The following SRCIN1 variants were observed in gnomAD, a reference collection of about 807,000 sequenced individuals.
The protein encoded by SRCIN1 is P130Cas-associated protein.
A neutral mutation model predicts 116.2 loss-of-function variants in SRCIN1; 50 were observed. The ratio of observed to expected loss-of-function variants is 0.43; its 90% CI spans 0.34 to 0.54. The LOEUF is 0.54. SRCIN1 is among the 20% of genes least tolerant of loss of function. The pLI, the probability that SRCIN1 is intolerant of heterozygous loss-of-function variation, is 0.02. For missense variants in SRCIN1, 1,446 were observed against 1,672.0 expected (o/e 0.86, Z 2.36); for synonymous variants, 736 against 750.0 (o/e 0.98, Z 0.30).
intron 17 of SRCIN1, chr17:38,547,689 A>G: frequency 3.6e-6 from 1 of 280,208 alleles, no homozygotes; most frequent in Non-Finnish European, 7.0e-6. Context: ...TTAGCGTGGG[A>G]GGTGAGGAGA....
In SRCIN1 at chr17:38,564,239, G is replaced by A. The variant is rs1464144922; in HGVS notation, c.420C>T (p.Ser140=). The change falls in exon 4 of 19, where the codon TCC becomes TCT. Residue 140 remains serine (S), a synonymous_variant. Transcript: ENST00000617146. ...ADQAAKLSYA[S]AESLETMSEA... The stretch of plus-strand genomic sequence containing the variant: ...CCGACATGGTCTCCAGCGACTCGGC[G>A]GAGGCGTAGGACAGCTTTGCCGCCT... 1.3e-6 allele frequency: 2 copies of A among 1,577,816 alleles called. No homozygotes were observed. Among genetic ancestry groups the A allele is most frequent in the South Asian group, 1.2e-5 (1 of 86,024 alleles).
rs539399256 is a variant in SRCIN1, at chr17:38,558,834, A to G, written c.2026-432T>C. On this transcript the variant is annotated intron_variant, in intron 10 of 18. Transcript: ENST00000617146. The surrounding 1 kb of genome is among the most constrained non-coding windows in gnomAD (Gnocchi z 4.6). ...TAGCCCTATGTAGGTCCCTGCCGAC[A>G]GTGCGGCCGCATGGCTATGGCTTCC... Among the ~76,000 whole-genome samples the G allele has an allele frequency of 6.6e-6, 1 of 152,296 alleles. No homozygotes were observed. Among genetic ancestry groups the G allele is most frequent in the Admixed American group, 6.5e-5 (1 of 15,300 alleles).
At chr17:38,559,974 G>C (rs1212354785) in intron 9 of SRCIN1, 80 bp downstream of exon 9, 15 of 1,369,952 alleles carry the variant, frequency 1.1e-5, no homozygotes, top group Non-Finnish European at 1.5e-5. Context: ...CAGTGATGTA[G>C]CTATTGCTTA....
intron 7 of SRCIN1, 104 bp from the exon 8 acceptor site, chr17:38,560,529 C>A (rs2143173261): frequency 1.0e-6 from 1 of 957,676 alleles, no homozygotes; most frequent in Non-Finnish European, 1.6e-6. Flanking sequence ...ACCGTCCCAT[C>A]CCTGGCTGCC....
At chr17:38,574,923 G>A in intron 2 of SRCIN1, 1 of 401,190 alleles carries the variant, frequency 2.5e-6, no homozygotes, top group East Asian at 3.6e-5. Context: ...CCATGGAGGT[G>A]GGAGCAGAGG....
intron 2 of SRCIN1, 48 bp downstream of exon 2, chr17:38,578,442 C>T: frequency 6.7e-7 from 1 of 1,484,022 alleles, no homozygotes; most frequent in Admixed American, 2.0e-5. Flanking sequence ...TCCTCCCCTG[C>T]CCGCTGGCCG....
intron 1 of SRCIN1, among the ~76,000 whole-genome samples, chr17:38,588,947 C>T (rs540391175): frequency 3.7e-4 from 56 of 152,334 alleles, no homozygotes; most frequent in Non-Finnish European, 5.6e-4. Flanking sequence ...CCTAGTAGCA[C>T]TCAGACAGCT....
At chr17:38,600,561 G>A (rs993567095) in intron 1 of SRCIN1, among the ~76,000 whole-genome samples, 1 of 152,218 alleles carries the variant, frequency 6.6e-6, no homozygotes, top group Admixed American at 6.5e-5. Flanking sequence ...AAAGCAGGCA[G>A]GGGCACAAGG....
chr17:38,585,766 T>C lies in SRCIN1; in HGVS notation c.23-6975A>G, dbSNP rs926556587. Among the ~76,000 whole-genome samples the C allele has an allele frequency of 7.9e-5, 12 of 152,078 alleles. No individual in the cohort carries two copies. The highest frequency in any genetic ancestry group is 2.7e-4 in the African/African-American group (11 of 41,434). On this transcript the variant is annotated intron_variant, in intron 1 of 18. Transcript: ENST00000617146. This position sits in a 1 kb window ranked among gnomAD's most constrained non-coding sequence, Gnocchi z 4.2. ...CATTCCTGTGTAATATCCCCCCAAATTGCTAATACCCAGCGCCCTGTTGAG... is the reference window on the plus strand; with the variant it reads ...CATTCCTGTGTAATATCCCCCCAAACTGCTAATACCCAGCGCCCTGTTGAG...
At chr17:38,588,154 C>G (rs1350057234) in intron 1 of SRCIN1, among the ~76,000 whole-genome samples, 7 of 152,094 alleles carry the variant, frequency 4.6e-5, no homozygotes, top group Admixed American at 3.3e-4. Context: ...CCTGGGTGAG[C>G]AGAGTCAGTT....
At chr17:38,554,366 G>C (rs1299739187) in intron 11 of SRCIN1, among the ~76,000 whole-genome samples, 1 of 152,160 alleles carries the variant, frequency 6.6e-6, no homozygotes, top group Admixed American at 6.5e-5. Flanking sequence ...CTTCTGCTTA[G>C]AGCCCTTCAG....
In SRCIN1 at chr17:38,578,803, G is replaced by C; in HGVS notation, c.23-12C>G. 2.7e-6 allele frequency: 4 copies of C among 1,480,632 alleles called. No individual in the cohort carries two copies. The highest frequency in any genetic ancestry group is 3.6e-6 in the Non-Finnish European group (4 of 1,118,112). 91.7% of individuals were successfully genotyped at this position (1,480,632 alleles called of 1,614,324 possible). A position where few individuals can be genotyped will look rare whatever the true frequency, so the allele number is the denominator to read the frequency against. ...GCTCCGCTCCGGATCTGCGAGAGGT[G>C]AGAGGGGCACGGCTGGGTCACGGCG... On this transcript the variant is annotated splice_polypyrimidine_tract_variant and intron_variant, in intron 1 of 18. Transcript: ENST00000617146.
At position 38,539,629 on chromosome 17, in the gene SRCIN1, C is replaced by T. The variant is rs576665054; in HGVS notation, c.3417+4194G>A. 2.7e-4 allele frequency among the ~76,000 whole-genome samples: 41 copies of T among 152,300 alleles called. No homozygotes were observed. In the South Asian group the frequency reaches 2.7e-3, roughly 10 times the overall value. On this transcript the variant is annotated intron_variant, in intron 18 of 18. Coordinates refer to ENST00000617146, the MANE Select transcript of SRCIN1 (RefSeq NM_025248.3). ...TCCGGGACTCGCTAAACACCTGCCC[C>T]ACTGCCCTTCCCCCAGGGAGTCACA...
In SRCIN1 at chr17:38,532,999, A is replaced by G. The variant is rs961178921; in HGVS notation, c.*298T>C. 6 of 222,922 alleles carry G rather than the reference A, an allele frequency of 2.7e-5. No homozygotes were observed. The highest frequency in any genetic ancestry group is 5.8e-5 in the Admixed American group (1 of 17,242). The allele number at this position is 222,922 out of a possible 1,614,324, so 13.8% of individuals were successfully genotyped here. On this transcript the variant is annotated 3_prime_UTR_variant, in exon 19 of 19. Coordinates refer to ENST00000617146, the MANE Select transcript of SRCIN1 (RefSeq NM_025248.3). The surrounding 1 kb of genome is among the most constrained non-coding windows in gnomAD (Gnocchi z 4.3). ...GAAAGAGAAGAAGGAGAGATGTGAC[A>G]GGTGCGGCCAGCGAGAGGCCAGCTG...
intron 1 of SRCIN1, among the ~76,000 whole-genome samples, chr17:38,587,327 G>C (rs958820462): frequency 6.6e-6 from 1 of 152,198 alleles, no homozygotes; most frequent in Middle Eastern, 3.4e-3. Flanking sequence ...TCTGCTTGCA[G>C]CTGTCTCTCC....
At chr17:38,570,883 C>T (rs1474652744) in intron 2 of SRCIN1, among the ~76,000 whole-genome samples, 3 of 152,216 alleles carry the variant, frequency 2.0e-5, no homozygotes, top group Non-Finnish European at 4.4e-5. Flanking sequence ...GCGCTTGTGC[C>T]GGTCACTTGG....
At position 38,568,161 on chromosome 17, in the gene SRCIN1, GAGGGA is replaced by G; in HGVS notation, c.345+45_345+49del. On this transcript the variant is annotated intron_variant, in intron 3 of 18. Transcript: ENST00000617146. The surrounding 1 kb of genome is among the most constrained non-coding windows in gnomAD (Gnocchi z 4.5). ...GTGCAAGGGAGAGGCAGGGGCAGGG[GAGGGA>G]GAGCACATGCAGTTGTCATGGGAGC... The G allele has an allele frequency of 6.2e-7, 1 of 1,605,622 alleles. No individual in the cohort carries two copies. The highest frequency in any genetic ancestry group is 1.3e-5 in the African/African-American group (1 of 74,898).
chr17:38,569,560 G>A (rs900924015), intron 2 of SRCIN1, among the ~76,000 whole-genome samples: 6 of 152,250 alleles, frequency 3.9e-5, no homozygotes, highest in South Asian at 2.1e-4. Context: ...CCTTTGGGGT[G>A]GGGGTGACAC....
chr17:38,563,225 G>T lies in SRCIN1; in HGVS notation c.740+98C>A. 1 of 1,374,448 alleles carries T rather than the reference G, an allele frequency of 7.3e-7. No homozygotes were observed. The highest frequency in any genetic ancestry group is 1.3e-5 in the South Asian group (1 of 78,952). 85.1% of individuals were successfully genotyped at this position (1,374,448 alleles called of 1,614,324 possible). A position where few individuals can be genotyped will look rare whatever the true frequency, so the allele number is the denominator to read the frequency against. On this transcript the variant is annotated intron_variant, in intron 5 of 18. Transcript: ENST00000617146. The surrounding 1 kb of genome is among the most constrained non-coding windows in gnomAD (Gnocchi z 5.8). ...GGAGGGGAGGGGAAAGGCTGAGGTC[G>T]GGTCAGGAAGGAGCTGGGGAAGGGC...
Sources: allele counts gnomAD v4.1 joint callset (sites outside exome capture counted in the v4.1 genomes callset), GRCh38; gene constraint gnomAD v4.1.1; non-coding constraint Gnocchi (gnomAD v3.1); transcripts MANE v1.5; gene names NCBI Gene and HGNC (gene_info 2026-07-23, HGNC 2026-07-21).